The following PRUNE2 variants were observed in gnomAD, a reference collection of about 807,000 sequenced individuals.
PRUNE2 encodes prune homolog 2 with BCH domain, also known as protein prune homolog 2.
In PRUNE2, 164 loss-of-function variants were observed where a neutral mutation model predicts 252.0. The observed-to-expected ratio is 0.65, with a 90% CI of 0.57 to 0.74. The LOEUF is 0.74. Ranked by LOEUF, PRUNE2 falls within the 30% of genes least tolerant of loss-of-function variation. The probability of loss-of-function intolerance (pLI) is 0.00; values close to 1 mark genes in which losing one functional copy is unlikely to be tolerated. For missense variants in PRUNE2, 3,495 were observed against 3,711.0 expected (o/e 0.94, Z 1.51); for synonymous variants, 1,292 against 1,350.2 (o/e 0.96, Z 0.94).
rs775145966 is a variant in PRUNE2, at chr9:76,707,498, T to C, written c.4776A>G (p.Gln1592=). The change falls in exon 8 of 19, where the codon CAA becomes CAG. Residue 1592 remains glutamine (Q), a synonymous_variant. Transcript: ENST00000376718. The stretch of plus-strand genomic sequence containing the variant: ...CCTTCACTTTGGTAACTATTTCTAC[T>C]TGGCCATCAGTGGTAATTAGTTCAG... ...QESELITTDG[Q]VEIVTKVKDL... 9.3e-6 allele frequency: 15 copies of C among 1,613,968 alleles called. No individual in the cohort carries two copies. In the South Asian group the frequency reaches 1.1e-4, roughly 12 times the overall value.
chr9:76,727,174 T>C (rs1401121199), intron 6 of PRUNE2, among the ~76,000 whole-genome samples: 1 of 152,164 alleles, frequency 6.6e-6, no homozygotes, highest in Non-Finnish European at 1.5e-5. Flanking sequence ...CCTGCCCTAG[T>C]TATGACAACT....
intron 9 of PRUNE2, among the ~76,000 whole-genome samples, chr9:76,678,707 T>A (rs2043069805): frequency 6.6e-6 from 1 of 152,130 alleles, no homozygotes; most frequent in Admixed American, 6.5e-5. Flanking sequence ...CGGGCGCCTG[T>A]AGTCCCAGCT....
At chr9:76,697,067 A>G (rs2045462702) in intron 9 of PRUNE2, among the ~76,000 whole-genome samples, 1 of 152,212 alleles carries the variant, frequency 6.6e-6, no homozygotes, top group Admixed American at 6.5e-5. Context: ...CTGATATGCG[A>G]ATATACCCTG....
chr9:76,655,341 C>A, intron 10 of PRUNE2, 82 bp downstream of exon 10: 1 of 992,636 alleles, frequency 1.0e-6, no homozygotes, highest in South Asian at 1.4e-5. Context: ...GTTAGATGCA[C>A]AGGAAATAAT....
chr9:76,851,652 A>G (rs1049242354), intron 2 of PRUNE2, among the ~76,000 whole-genome samples: 1 of 152,158 alleles, frequency 6.6e-6, no homozygotes, highest in Non-Finnish European at 1.5e-5. Flanking sequence ...ATTCATTTTT[A>G]AAAATTCAGA....
intron 9 of PRUNE2, among the ~76,000 whole-genome samples, chr9:76,682,840 T>A (rs76973575): frequency 1.0e-5 from 1 of 95,342 alleles, no homozygotes; most frequent in Admixed American, 1.0e-4. Context: ...AATATTCAAA[T>A]TTTTCTTTTA....
At position 76,644,521 on chromosome 9, in the gene PRUNE2, C is replaced by T. The variant is rs534867428; in HGVS notation, c.8728+218G>A. The T allele has an allele frequency of 7.7e-6, 5 of 651,660 alleles. No homozygotes were observed. In the East Asian group the frequency reaches 1.5e-4, roughly 19 times the overall value. 40.4% of individuals were successfully genotyped at this position (651,660 alleles called of 1,614,324 possible). A position where few individuals can be genotyped will look rare whatever the true frequency, so the allele number is the denominator to read the frequency against. On this transcript the variant is annotated intron_variant, in intron 12 of 18. Coordinates refer to ENST00000376718, the MANE Select transcript of PRUNE2 (RefSeq NM_015225.3). ...CTATCAGATATGTAGCATGAAAAGC[C>T]CGTTTTATATTGGAAAGTTGTCTTT...
intron 4 of PRUNE2, among the ~76,000 whole-genome samples, chr9:76,838,645 CAAAAAAAAA>C (rs10540002): frequency 0.27 from 23,614 of 86,216 alleles, 2,778 homozygotes; most frequent in African/African-American, 0.44. Flanking sequence ...AACTCTGTCT[CAAAAAAAAA>C]AAAAAAAAAA....
chr9:76,639,991 T>A (rs1220234510), intron 12 of PRUNE2, among the ~76,000 whole-genome samples: 4 of 152,230 alleles, frequency 2.6e-5, no homozygotes, highest in Non-Finnish European at 4.4e-5. Flanking sequence ...CACAGGTAAC[T>A]ATATGGAATG....
chr9:76,872,914 G>A (rs995346395), intron 1 of PRUNE2, among the ~76,000 whole-genome samples: 1 of 152,230 alleles, frequency 6.6e-6, no homozygotes, highest in African/African-American at 2.4e-5. Context: ...TCATGCAGAT[G>A]TAATTAGTTA....
chr9:76,750,282 G>C (rs2050500597), intron 6 of PRUNE2, among the ~76,000 whole-genome samples: 2 of 152,094 alleles, frequency 1.3e-5, no homozygotes, highest in African/African-American at 2.4e-5. Flanking sequence ...TTTATCAGAA[G>C]CACAGGTGAC....
At chr9:76,854,321 GAA>G (rs1485620396) in intron 1 of PRUNE2, 113 bp from the exon 2 acceptor site, 47 of 480,372 alleles carry the variant, frequency 9.8e-5, no homozygotes, top group Non-Finnish European at 2.6e-5. Context: ...CAATGGCAGA[GAA>G]TCATAAATTT....
intron 6 of PRUNE2, among the ~76,000 whole-genome samples, chr9:76,806,761 G>A (rs549893208): frequency 6.7e-6 from 1 of 149,148 alleles, no homozygotes; most frequent in South Asian, 2.1e-4. Flanking sequence ...CTCGTGATCT[G>A]CCTGCCTTAG....
intron 1 of PRUNE2, among the ~76,000 whole-genome samples, chr9:76,891,339 A>G (rs2062460722): frequency 6.6e-6 from 1 of 152,224 alleles, no homozygotes. Context: ...CTCAGCTGAA[A>G]TGACTATAAG....
chr9:76,808,809 A>G (rs1326736814), intron 6 of PRUNE2: 2 of 152,506 alleles, frequency 1.3e-5, no homozygotes, highest in African/African-American at 4.8e-5. Flanking sequence ...ACAGTCCTCA[A>G]TGCACGCCTG....
In PRUNE2 at chr9:76,707,577, G is replaced by A. The variant is rs1358706692; in HGVS notation, c.4697C>T (p.Ser1566Phe). Residue 1566 changes from serine (S) to phenylalanine (F), a missense_variant, in exon 8 of 19, where the codon TCT becomes TTT. Coordinates refer to ENST00000376718, the MANE Select transcript of PRUNE2 (RefSeq NM_015225.3). ...GCCTTGGTTTTCTTCTTGATACCCA[G>A]AACTGGGTTGCTGGCCCCAGGAGGA... Reference protein sequence around the residue: ...ALSSWGQQPSSGYQEENQGNW... With the variant: ...ALSSWGQQPSFGYQEENQGNW... 1.9e-6 allele frequency: 3 copies of A among 1,613,770 alleles called. No homozygotes were observed. The highest frequency in any genetic ancestry group is 1.3e-5 in the African/African-American group (1 of 74,890).
At chr9:76,890,677 G>A (rs903020796) in intron 1 of PRUNE2, among the ~76,000 whole-genome samples, 1 of 151,938 alleles carries the variant, frequency 6.6e-6, no homozygotes, top group Non-Finnish European at 1.5e-5. Flanking sequence ...TACTTCCCTC[G>A]GCATATACCG....
At chr9:76,826,440 T>A in intron 5 of PRUNE2, 140 bp downstream of exon 5, 1 of 625,552 alleles carries the variant, frequency 1.6e-6, no homozygotes, top group Non-Finnish European at 2.6e-6. Flanking sequence ...GTTACTGCAC[T>A]CCAGCCTGGG....
rs1302749024 is a variant in PRUNE2 at position 76,612,533 on chromosome 9, G to A, written c.*2037C>T. 6.6e-6 allele frequency: 1 copy of A among 152,164 alleles called. No individual in the cohort carries two copies. Among genetic ancestry groups the A allele is most frequent in the Non-Finnish European group, 1.5e-5 (1 of 68,072 alleles). The allele number at this position is 152,164 out of a possible 1,614,324, so 9.4% of individuals were successfully genotyped here. ...GGGTAACTGTATTTACGTCAACACT[G>A]TGTTCTGGGAGAGGTGTAATTTGGG... On this transcript the variant is annotated 3_prime_UTR_variant, in exon 19 of 19. Coordinates refer to ENST00000376718, the MANE Select transcript of PRUNE2 (RefSeq NM_015225.3).
Sources: gnomAD v4.1 joint callset for allele counts (sites outside exome capture counted in the v4.1 genomes callset) on GRCh38, gnomAD v4.1.1 for gene constraint, MANE v1.5 for transcripts, NCBI Gene and HGNC (gene_info 2026-07-23, HGNC 2026-07-21) for gene names.